Variants in UBE2E2 observed in about 807,000 individuals in gnomAD.
UBE2E2 encodes ubiquitin conjugating enzyme E2 E2.
A neutral mutation model predicts 24.7 loss-of-function variants in UBE2E2; 6 were observed. The observed-to-expected ratio is 0.24, with a 90% CI of 0.13 to 0.48. UBE2E2 has a LOEUF of 0.48. UBE2E2 is among the 20% of genes least tolerant of loss of function. The pLI is 0.99. For missense variants in UBE2E2, 169 were observed against 245.0 expected, an observed-to-expected ratio of 0.69 and a Z score of 2.07; for synonymous variants, 104 against 83.6, an observed-to-expected ratio of 1.24 and a Z score of -1.33.
intron 3 of UBE2E2, among the ~76,000 whole-genome samples, chr3:23,462,177 A>G (rs1161343315): frequency 1.3e-5 from 2 of 152,180 alleles, no homozygotes; most frequent in African/African-American, 4.8e-5. Flanking sequence ...TGCATTGCCT[A>G]ACACTTTCTG....
At chr3:23,485,426 A>G (rs983842251) in intron 3 of UBE2E2, among the ~76,000 whole-genome samples, 1 of 152,112 alleles carries the variant, frequency 6.6e-6, no homozygotes, top group Non-Finnish European at 1.5e-5. Context: ...GCAATCAATC[A>G]ATATCTTTTA....
rs1214975928 is a variant in UBE2E2 at position 23,298,136 on chromosome 3, T to C, written c.227+80824T>C. On this transcript the variant is annotated intron_variant, in intron 3 of 5. Coordinates refer to ENST00000396703, the MANE Select transcript of UBE2E2 (RefSeq NM_152653.4). ...TGCTTGTGATTTTTGTACATTGAAT[T>C]TGTATCCTGAGACTTTGCTGAAGTT... Among the ~76,000 whole-genome samples, 3 of 152,224 alleles carry C rather than the reference T, an allele frequency of 2.0e-5. No homozygotes were observed. The East Asian group carries it at 5.8e-4, about 29-fold the overall frequency.
chr3:23,568,592 CAT>C (rs984827120), intron 5 of UBE2E2, among the ~76,000 whole-genome samples: 2 of 105,172 alleles, frequency 1.9e-5, no homozygotes, highest in African/African-American at 7.5e-5. Flanking sequence ...TAATTATATA[CAT>C]ATATATGTAT....
In UBE2E2 at chr3:23,208,798, A is replaced by G; in HGVS notation, c.99A>G (p.Arg33=). The G allele has an allele frequency of 1.2e-6, 2 of 1,613,830 alleles. No homozygotes were observed. Among genetic ancestry groups the G allele is most frequent in the Non-Finnish European group, 1.7e-6 (2 of 1,179,806 alleles). Reference sequence around the variant, plus strand: ...AAAGTGTTCAGCAAGAACCAGAAAGAGAACAAGTTCAGCCCAAGAAAAAGG... The same window carrying G: ...AAAGTGTTCAGCAAGAACCAGAAAGGGAACAAGTTCAGCCCAAGAAAAAGG... ...QRESVQQEPE[R]EQVQPKKKEG... is the part of the protein sequence containing the mutation. The change falls in exon 2 of 6, where the codon AGA becomes AGG. Residue 33 remains arginine, a synonymous_variant. Transcript: ENST00000396703.
chr3:23,232,655 G>A (rs905664694), intron 3 of UBE2E2, among the ~76,000 whole-genome samples: 3 of 152,136 alleles, frequency 2.0e-5, no homozygotes, highest in South Asian at 4.1e-4. Context: ...TGCATGAGCC[G>A]AGAAATCTTA....
chr3:23,400,641 C>CACACACACACACAT (rs954347007), intron 3 of UBE2E2, among the ~76,000 whole-genome samples: 3 of 149,914 alleles, frequency 2.0e-5, no homozygotes, highest in East Asian at 2.0e-4. Flanking sequence ...CACACACACA[C>CACACACACACACAT]ATCTCAGGCC....
At chr3:23,363,294 A>C (rs927021350) in intron 3 of UBE2E2, among the ~76,000 whole-genome samples, 1 of 152,254 alleles carries the variant, frequency 6.6e-6, no homozygotes, top group African/African-American at 2.4e-5. Flanking sequence ...AGACCTGCAT[A>C]TACCAATATT....
chr3:23,511,602 CAATTTTCAACCCAAACTG>C (rs1290896600), intron 4 of UBE2E2, among the ~76,000 whole-genome samples: 11 of 152,200 alleles, frequency 7.2e-5, no homozygotes, highest in Non-Finnish European at 1.3e-4. Flanking sequence ...GAGAAATGGG[CAATTTTCAACCCAAACTG>C]AATTTTTGAA....
intron 3 of UBE2E2, among the ~76,000 whole-genome samples, chr3:23,225,161 A>G (rs1696784008): frequency 6.6e-6 from 1 of 151,766 alleles, no homozygotes; most frequent in Middle Eastern, 3.4e-3. Flanking sequence ...TTGAATTGTA[A>G]GAGTTTTTTC....
At chr3:23,574,641 A>G (rs1202385670) in intron 5 of UBE2E2, among the ~76,000 whole-genome samples, 5 of 152,130 alleles carry the variant, frequency 3.3e-5, no homozygotes, top group Admixed American at 2.0e-4. Flanking sequence ...TGCTTGAGCC[A>G]AGGAGTTTGA....
intron 3 of UBE2E2, among the ~76,000 whole-genome samples, chr3:23,320,497 A>G (rs1694711968): frequency 6.6e-6 from 1 of 152,206 alleles, no homozygotes; most frequent in Admixed American, 6.5e-5. Flanking sequence ...GTATTTTTTA[A>G]TAGCAGTCAC....
chr3:23,471,004 A>G (rs928549347), intron 3 of UBE2E2, among the ~76,000 whole-genome samples: 1 of 152,196 alleles, frequency 6.6e-6, no homozygotes, highest in African/African-American at 2.4e-5. Flanking sequence ...TCATTGAAGT[A>G]CAATATCTAC....
At chr3:23,466,816 C>G (rs979431991) in intron 3 of UBE2E2, among the ~76,000 whole-genome samples, 1 of 152,072 alleles carries the variant, frequency 6.6e-6, no homozygotes, top group Admixed American at 6.5e-5. Flanking sequence ...ATCCACCCAC[C>G]TCAGCCTCCC....
intron 3 of UBE2E2, among the ~76,000 whole-genome samples, chr3:23,260,284 AC>A (rs1028357291): frequency 6.6e-6 from 1 of 152,216 alleles, no homozygotes; most frequent in African/African-American, 2.4e-5. Flanking sequence ...TAATTTAAAA[AC>A]ATTTGTAAAT....
chr3:23,300,043 CTTCT>C (rs2125260746), intron 3 of UBE2E2, among the ~76,000 whole-genome samples: 1 of 150,536 alleles, frequency 6.6e-6, no homozygotes, highest in African/African-American at 2.4e-5. Context: ...ATGTAATGGC[CTTCT>C]TTGTCTCTTT....
intron 5 of UBE2E2, among the ~76,000 whole-genome samples, chr3:23,564,578 A>T (rs1696020125): frequency 6.6e-6 from 1 of 152,176 alleles, no homozygotes; most frequent in South Asian, 2.1e-4. Flanking sequence ...GTCTCATTTT[A>T]TACAGAATTA....
At chr3:23,367,639 T>C (rs950266119) in intron 3 of UBE2E2, among the ~76,000 whole-genome samples, 5 of 152,054 alleles carry the variant, frequency 3.3e-5, no homozygotes, top group Admixed American at 2.0e-4. Flanking sequence ...TAAGCTTAAG[T>C]ATTTGTGTGA....
chr3:23,466,675 C>T (rs1416889439), intron 3 of UBE2E2, among the ~76,000 whole-genome samples: 1 of 152,154 alleles, frequency 6.6e-6, no homozygotes, highest in African/African-American at 2.4e-5. Context: ...TCAAGCGATT[C>T]TCCTGCCTCA....
intron 3 of UBE2E2, among the ~76,000 whole-genome samples, chr3:23,413,631 G>A (rs1007897958): frequency 6.6e-6 from 1 of 152,144 alleles, no homozygotes; most frequent in Admixed American, 6.6e-5. Flanking sequence ...TTTTAGCTTA[G>A]ACATCACTTT....
Sources: gnomAD v4.1 joint callset for allele counts (sites outside exome capture counted in the v4.1 genomes callset) on GRCh38, gnomAD v4.1.1 for gene constraint, MANE v1.5 for transcripts, NCBI Gene and HGNC (gene_info 2026-07-23, HGNC 2026-07-21) for gene names.